NCOA2: variants seen among roughly 807,000 people sequenced by gnomAD.
The protein encoded by NCOA2 is nuclear receptor coactivator 2.
Under a neutral mutation model 145.1 loss-of-function variants are expected in NCOA2, and 21 were observed. The ratio of observed to expected loss-of-function variants is 0.14; its 90% confidence interval spans 0.10 to 0.21. NCOA2 has a LOEUF of 0.21. Ranked by LOEUF, NCOA2 falls within the 10% of genes least tolerant of loss-of-function variation. NCOA2 has a pLI of 1.00. For synonymous variants in NCOA2, 619 were observed against 637.5 expected, an observed-to-expected ratio of 0.97 and a Z score of 0.44; for missense variants, 1,472 against 1,837.6, an observed-to-expected ratio of 0.80 and a Z score of 3.64.
intron 1 of NCOA2, among the ~76,000 whole-genome samples, chr8:70,323,795 A>T (rs1486058962): frequency 6.6e-6 from 1 of 152,188 alleles, no homozygotes; most frequent in Non-Finnish European, 1.5e-5. Context: ...TAGAAAAAAA[A>T]TAGTTTTTAA....
chr8:70,228,730 A>G (rs1309920868), intron 2 of NCOA2, among the ~76,000 whole-genome samples: 1 of 152,260 alleles, frequency 6.6e-6, no homozygotes. Flanking sequence ...CTATTTAGCT[A>G]TAACTAGCAA....
At position 70,312,410 on chromosome 8, in the gene NCOA2, G is replaced by A. The variant is rs557391856; in HGVS notation, c.-76-15610C>T. 1.6e-4 allele frequency among the ~76,000 whole-genome samples: 24 copies of A among 152,222 alleles called. No individual in the cohort carries two copies. The South Asian group carries it at 4.8e-3, about 30-fold the overall frequency. The stretch of plus-strand genomic sequence containing the variant: ...CAATGTATCTTTCTTGGGGAAAAAG[G>A]GGGTCTGTATGAAATTAAGATTTGG... On this transcript the variant is annotated intron_variant, in intron 1 of 22. Transcript: ENST00000452400.
At chr8:70,151,577 C>T (rs190511977) in intron 11 of NCOA2, among the ~76,000 whole-genome samples, 4 of 152,242 alleles carry the variant, frequency 2.6e-5, no homozygotes, top group East Asian at 3.9e-4. Flanking sequence ...TGTGAGCCAT[C>T]GCGCCCGGCC....
At chr8:70,308,858 C>T (rs1439139704) in intron 1 of NCOA2, among the ~76,000 whole-genome samples, 2 of 152,166 alleles carry the variant, frequency 1.3e-5, no homozygotes, top group East Asian at 3.8e-4. Context: ...TGAACAGAAA[C>T]TGTGAAAGAT....
chr8:70,300,607 CAGGGCGTGAG>C (rs1205439727), intron 1 of NCOA2, among the ~76,000 whole-genome samples: 1 of 152,060 alleles, frequency 6.6e-6, no homozygotes, highest in Non-Finnish European at 1.5e-5. Context: ...AGGTTAATGG[CAGGGCGTGAG>C]AGAGAACTGA....
intron 14 of NCOA2, among the ~76,000 whole-genome samples, chr8:70,139,124 G>A (rs1000988583): frequency 5.3e-5 from 8 of 152,320 alleles, no homozygotes; most frequent in South Asian, 2.1e-4. Context: ...CTCTTTCTCC[G>A]AAGTTCTTCG....
intron 2 of NCOA2, among the ~76,000 whole-genome samples, chr8:70,225,147 T>C (rs548103229): frequency 1.6e-4 from 25 of 152,278 alleles, no homozygotes; most frequent in African/African-American, 5.3e-4. Flanking sequence ...ATAAACCCAA[T>C]AGACCAAGTC....
intron 4 of NCOA2, among the ~76,000 whole-genome samples, chr8:70,205,711 G>C (rs562809711): frequency 6.6e-6 from 1 of 152,110 alleles, no homozygotes; most frequent in Non-Finnish European, 1.5e-5. Flanking sequence ...GTGCAAAGGA[G>C]GTTGTCGGTT....
chr8:70,237,911 G>C (rs1490301025), intron 2 of NCOA2, among the ~76,000 whole-genome samples: 2 of 152,054 alleles, frequency 1.3e-5, no homozygotes, highest in Non-Finnish European at 2.9e-5. Flanking sequence ...TTCTAAGTAA[G>C]GGAAACCAAA....
At chr8:70,157,299 T>TA in intron 10 of NCOA2, 59 bp from the exon 11 acceptor site, 2 of 1,436,820 alleles carry the variant, frequency 1.4e-6, no homozygotes, top group Admixed American at 5.1e-5. Context: ...AGCAAGTTGT[T>TA]ATTAATTTTT....
chr8:70,362,930 T>C (rs999840632), intron 1 of NCOA2, among the ~76,000 whole-genome samples: 1 of 149,930 alleles, frequency 6.7e-6, no homozygotes, highest in Admixed American at 6.6e-5. Context: ...ACACAAAAAT[T>C]AGTCAGGTGT....
Position 70,255,543 on chromosome 8 carries a change from A to T in NCOA2, c.-19-38779T>A, listed in dbSNP as rs182516505. ...AATATGTACATACCAATTCAAAGAC[A>T]AAAATACACAGACACAAAATGTGAC... On this transcript the variant is annotated intron_variant, in intron 2 of 22. Coordinates refer to ENST00000452400, the MANE Select transcript of NCOA2 (RefSeq NM_006540.4). Among the ~76,000 whole-genome samples, 10 of 152,336 alleles carry T rather than the reference A, an allele frequency of 6.6e-5. No individual in the cohort carries two copies. In the East Asian group the frequency reaches 1.9e-3, roughly 29 times the overall value.
chr8:70,297,876 G>C (rs1014212858), intron 1 of NCOA2, among the ~76,000 whole-genome samples: 1 of 152,148 alleles, frequency 6.6e-6, no homozygotes, highest in African/African-American at 2.4e-5. Context: ...TGAGGAATAT[G>C]AAAACAAGAA....
intron 2 of NCOA2, among the ~76,000 whole-genome samples, chr8:70,250,208 A>G (rs1228357117): frequency 6.6e-6 from 1 of 151,672 alleles, no homozygotes; most frequent in Non-Finnish European, 1.5e-5. Context: ...CCTGGGCAAC[A>G]TGGTGAAACC....
In NCOA2 at chr8:70,354,837, T is replaced by A. The variant is rs1484010135; in HGVS notation, c.-77+48863A>T. On this transcript the variant is annotated intron_variant, in intron 1 of 22. Transcript: ENST00000452400. ...ACTTAAGCAAGACTGGGAAAAGACA[T>A]TTATTCTTATATGGCATAAACTGTG... is the stretch of plus-strand genomic sequence containing the variant. Among the ~76,000 whole-genome samples, 10 of 152,302 alleles carry A rather than the reference T, an allele frequency of 6.6e-5. No homozygotes were observed. In the East Asian group the frequency reaches 9.6e-4, roughly 15 times the overall value.
chr8:70,440,602 GGAAA>G, the NCOA2 span, among the ~76,000 whole-genome samples: 6 of 144,450 alleles, frequency 4.2e-5, no homozygotes, highest in East Asian at 4.0e-4. Context: ...AAGGAAGGAA[GGAAA>G]GAAAGAAAGA....
At chr8:70,421,706 T>C in the NCOA2 span, among the ~76,000 whole-genome samples, 12 of 152,104 alleles carry the variant, frequency 7.9e-5, no homozygotes, top group Admixed American at 5.9e-4. Context: ...CTTGAAGTTC[T>C]GGTTCCTACT....
chr8:70,280,260 G>A (rs549259703), intron 2 of NCOA2, among the ~76,000 whole-genome samples: 4 of 152,172 alleles, frequency 2.6e-5, no homozygotes, highest in Non-Finnish European at 5.9e-5. Flanking sequence ...TAGGCTGCCA[G>A]AGCCAGGGTA....
chr8:70,241,955 A>G (rs1042312425), intron 2 of NCOA2, among the ~76,000 whole-genome samples: 3 of 143,068 alleles, frequency 2.1e-5, no homozygotes, highest in Non-Finnish European at 4.8e-5. Flanking sequence ...TAAAAATGAC[A>G]TATAAAAATG....
Sources: allele counts gnomAD v4.1 joint callset (sites outside exome capture counted in the v4.1 genomes callset), GRCh38; gene constraint gnomAD v4.1.1; transcripts MANE v1.5; gene names NCBI Gene and HGNC (gene_info 2026-07-23, HGNC 2026-07-21).